TRMT11: variants seen among roughly 807,000 people sequenced by gnomAD.
The protein encoded by TRMT11 is tRNA (guanine(10)-N(2))-methyltransferase TRMT11.
Under a neutral mutation model 62.8 loss-of-function variants are expected in TRMT11, and 53 were observed. The observed-to-expected ratio is 0.84, with a 90% CI of 0.68 to 1.06. The LOEUF (loss-of-function observed/expected upper bound fraction) is 1.06, where lower values mean the gene tolerates loss of function less well. TRMT11 is among the 50% of genes least tolerant of loss of function. The pLI is 0.00. For synonymous variants in TRMT11, 188 were observed against 190.3 expected, an observed-to-expected ratio of 0.99 and a Z score of 0.10; for missense variants, 556 against 553.4, an observed-to-expected ratio of 1.00 and a Z score of -0.05.
upstream of TRMT11, among the ~76,000 whole-genome samples, chr6:126,175,216 G>A (rs1204809407): frequency 6.6e-6 from 1 of 152,210 alleles, no homozygotes; most frequent in East Asian, 1.9e-4. Context: ...GAGGGGCTTA[G>A]CAATAGATCA....
In TRMT11 at chr6:126,197,882, C is replaced by T. The variant is rs768378449; in HGVS notation, n.144-917C>T. Among the ~76,000 whole-genome samples, 39 of 152,162 alleles carry T rather than the reference C, an allele frequency of 2.6e-4. 1 individual carries two copies. The highest frequency in any genetic ancestry group is 5.9e-5 in the Non-Finnish European group (4 of 68,034). On this transcript the variant is annotated intron_variant and non_coding_transcript_variant, in intron 1 of 3. Coordinates refer to the TRMT11 transcript ENST00000444229. ...GTGAAAGCTGATAAAATCCAAGAGG[C>T]AGTGAGGGACCAAAGGAAAACATGA...
rs147034200 is a variant in TRMT11 at position 126,172,136 on chromosome 6, G to T, written c.*1824-2689G>T. Among the ~76,000 whole-genome samples the T allele has an allele frequency of 5.1e-4, 78 of 152,234 alleles. 1 individual carries two copies. Among genetic ancestry groups the T allele is most frequent in the Non-Finnish European group, 4.0e-4 (27 of 68,012 alleles). On this transcript the variant is annotated intron_variant and NMD_transcript_variant, in intron 21 of 22. Transcript: ENST00000648977. Reference sequence around the variant, plus strand: ...ACTTGATCAAAATTTAAAAAAAAAGGTATTTTCCCTAAGTGGTTTTTGCTT... The same window carrying T: ...ACTTGATCAAAATTTAAAAAAAAAGTTATTTTCCCTAAGTGGTTTTTGCTT...
intron 12 of TRMT11, among the ~76,000 whole-genome samples, chr6:126,033,843 A>T (rs767608964): frequency 2.5e-4 from 38 of 152,286 alleles, no homozygotes; most frequent in Non-Finnish European, 4.9e-4. Context: ...CATGAAAGTT[A>T]ACTACCAATT....
At chr6:126,138,530 C>A (rs1020838040) in intron 21 of TRMT11, among the ~76,000 whole-genome samples, 1 of 151,866 alleles carries the variant, frequency 6.6e-6, no homozygotes, top group African/African-American at 2.4e-5. Flanking sequence ...GTGGCTATAC[C>A]TGAGGTAAGG....
Position 125,998,204 on chromosome 6 carries a change from T to C in TRMT11, c.295-19T>C, listed in dbSNP as rs763637086. On this transcript the variant is annotated intron_variant, in intron 4 of 12. Coordinates refer to ENST00000334379, the MANE Select transcript of TRMT11 (RefSeq NM_001031712.3). The stretch of plus-strand genomic sequence containing the variant: ...TGTAGAATTAAAATACTCAAAAAAC[T>C]GATTTCCTTTTATTTTAGGTTCCAT... The C allele has an allele frequency of 6.3e-7, 1 of 1,597,152 alleles. No homozygotes were observed. The highest frequency in any genetic ancestry group is 1.1e-5 in the South Asian group (1 of 90,500).
At chr6:126,034,312 ATAAT>A (rs1397954194) in intron 12 of TRMT11, among the ~76,000 whole-genome samples, 1 of 152,202 alleles carries the variant, frequency 6.6e-6, no homozygotes, top group Non-Finnish European at 1.5e-5. Flanking sequence ...GGAAAATTAA[ATAAT>A]TATGTAATAA....
At chr6:126,204,549 T>G (rs1394123306), downstream of TRMT11, among the ~76,000 whole-genome samples, 1 of 152,228 alleles carries the variant, frequency 6.6e-6, no homozygotes, top group Non-Finnish European at 1.5e-5. Context: ...AGCAGCAAGG[T>G]TGAAACTTAT....
chr6:126,223,469 G>C, the TRMT11 span, among the ~76,000 whole-genome samples: 1 of 143,152 alleles, frequency 7.0e-6, no homozygotes. Flanking sequence ...AAAACAAAAA[G>C]AAGGCTGAAT....
At chr6:126,011,048 A>C (rs1794098653) in intron 8 of TRMT11, among the ~76,000 whole-genome samples, 1 of 152,194 alleles carries the variant, frequency 6.6e-6, no homozygotes, top group Non-Finnish European at 1.5e-5. Context: ...TTGACAGAAC[A>C]AGATAAGTTA....
At chr6:125,996,452 C>T (rs6910272) in intron 3 of TRMT11, among the ~76,000 whole-genome samples, 107,225 of 152,076 alleles carry the variant, frequency 0.71, 38,329 homozygotes, top group East Asian at 0.95. Flanking sequence ...TGCCGTGAGA[C>T]ATGTTTTACT....
chr6:126,066,205 G>A (rs139284021), intron 17 of TRMT11, among the ~76,000 whole-genome samples: 231 of 152,330 alleles, frequency 1.5e-3, no homozygotes, highest in African/African-American at 5.3e-3. Context: ...GGTGTGGCTG[G>A]ATCCTGTGGG....
chr6:126,157,591 G>C lies in TRMT11; in HGVS notation c.*1824-17234G>C, dbSNP rs574399774. 4.6e-5 allele frequency among the ~76,000 whole-genome samples: 7 copies of C among 152,312 alleles called. No individual in the cohort carries two copies. The East Asian group carries it at 1.3e-3, about 29-fold the overall frequency. On this transcript the variant is annotated intron_variant and NMD_transcript_variant, in intron 21 of 22. Transcript: ENST00000648977. ...GGAAGATAAGGAGAACTATAGGAAA[G>C]TTACAATTTGAAGTTTACCTGTGAT...
At chr6:126,160,069 C>T (rs1778171658) in intron 21 of TRMT11, among the ~76,000 whole-genome samples, 1 of 152,148 alleles carries the variant, frequency 6.6e-6, no homozygotes, top group African/African-American at 2.4e-5. Flanking sequence ...TGGCTCTTCT[C>T]TTATAAAGAC....
At chr6:126,097,166 T>C (rs1167426069) in intron 17 of TRMT11, among the ~76,000 whole-genome samples, 2 of 152,168 alleles carry the variant, frequency 1.3e-5, no homozygotes, top group Non-Finnish European at 2.9e-5. Context: ...AGTTTTCTGA[T>C]AGTATTGTTA....
In TRMT11 at chr6:125,986,576, G is replaced by A. The variant is rs751806797; in HGVS notation, c.26G>A (p.Arg9Lys). The A allele has an allele frequency of 6.3e-7, 1 of 1,592,192 alleles. No individual in the cohort carries two copies. The highest frequency in any genetic ancestry group is 8.5e-7 in the Non-Finnish European group (1 of 1,171,534). The change falls in exon 1 of 13, where the codon AGG (arginine) becomes AAG (lysine). Residue 9 changes from arginine to lysine, a missense_variant. Physicochemically the swap from Arg to Lys is conservative, Grantham distance 26. Coordinates refer to ENST00000334379, the MANE Select transcript of TRMT11 (RefSeq NM_001031712.3). ...ATGGCGCTGTCGTGTACCCTTAACA[G>A]GTATCTGCTCCTCATGGCGCAGGAG... MALSCTLN[R>K]YLLLMAQEHL...
intron 21 of TRMT11, among the ~76,000 whole-genome samples, chr6:126,158,716 T>C (rs1778150023): frequency 6.6e-6 from 1 of 152,168 alleles, no homozygotes; most frequent in Admixed American, 6.5e-5. Flanking sequence ...CACTTCAAGC[T>C]TGGGGCAATG....
chr6:126,222,188 TATC>T, the TRMT11 span, among the ~76,000 whole-genome samples: 629 of 152,342 alleles, frequency 4.1e-3, 2 homozygotes, highest in Non-Finnish European at 7.2e-3. Flanking sequence ...TTTGTAACAT[TATC>T]ATGCTGTTTT....
At chr6:126,242,833 A>G in the TRMT11 span, among the ~76,000 whole-genome samples, 3 of 152,224 alleles carry the variant, frequency 2.0e-5, no homozygotes, top group Non-Finnish European at 4.4e-5. Flanking sequence ...TAAAAACCCT[A>G]GAAGAAAACC....
At chr6:126,031,929 C>T (rs111592411) in intron 12 of TRMT11, among the ~76,000 whole-genome samples, 3,419 of 152,076 alleles carry the variant, frequency 0.022, 122 homozygotes, top group African/African-American at 0.079. Context: ...GGCTATAAAC[C>T]AAGGAAGCTA....
Sources: allele counts gnomAD v4.1 joint callset (sites outside exome capture counted in the v4.1 genomes callset), GRCh38; gene constraint gnomAD v4.1.1; transcripts MANE v1.5; gene names NCBI Gene and HGNC (gene_info 2026-07-23, HGNC 2026-07-21).